Variants in TMX1 observed in about 807,000 individuals in gnomAD.
The protein encoded by TMX1 is thioredoxin-related transmembrane protein 1.
Under a neutral mutation model 36.6 loss-of-function variants are expected in TMX1, and 25 were observed. That is an observed-to-expected ratio of 0.68 (90% CI 0.50 to 0.95). TMX1 has a LOEUF of 0.95. Ranked by LOEUF, TMX1 falls within the 40% of genes least tolerant of loss-of-function variation. The probability of loss-of-function intolerance (pLI) is 0.00; values close to 1 mark genes in which losing one functional copy is unlikely to be tolerated. For missense variants in TMX1, 347 were observed against 339.6 expected, an observed-to-expected ratio of 1.02 and a Z score of -0.17; for synonymous variants, 133 against 118.0, an observed-to-expected ratio of 1.13 and a Z score of -0.82.
At chr14:51,242,856 A>G (rs535617355) in intron 1 of TMX1, among the ~76,000 whole-genome samples, 1 of 152,332 alleles carries the variant, frequency 6.6e-6, no homozygotes, top group South Asian at 2.1e-4. Context: ...GTCTGCTCCT[A>G]ATTACAAGTG....
intron 2 of TMX1, 151 bp from the exon 3 acceptor site, chr14:51,245,162 A>G: frequency 1.1e-6 from 1 of 913,132 alleles, no homozygotes; most frequent in Non-Finnish European, 1.6e-6. Flanking sequence ...TAAGTACATA[A>G]TTCATTTTTA....
chr14:51,243,729 C>A (rs2065772704), intron 1 of TMX1, 127 bp from the exon 2 acceptor site: 1 of 659,172 alleles, frequency 1.5e-6, no homozygotes, highest in Admixed American at 3.6e-5. Flanking sequence ...AAATTAACCA[C>A]CTTATCATCT....
At position 51,257,380 on chromosome 14, in the gene TMX1, T is replaced by G. The variant is rs1018677425; in HGVS notation, c.*2861T>G. The G allele has an allele frequency of 6.6e-6, 1 of 152,228 alleles. No individual in the cohort carries two copies. The highest frequency in any genetic ancestry group is 2.4e-5 in the African/African-American group (1 of 41,448). The allele number at this position is 152,228 out of a possible 1,614,324, so 9.4% of individuals were successfully genotyped here. Reference sequence around the variant, plus strand: ...TTGAGTGAACATTTTGGCTCATATTTTATGACATTGTAGTTCATCCCCATG... The same window carrying G: ...TTGAGTGAACATTTTGGCTCATATTGTATGACATTGTAGTTCATCCCCATG... On this transcript the variant is annotated 3_prime_UTR_variant, in exon 8 of 8. Transcript: ENST00000457354.
At position 51,255,830 on chromosome 14, in the gene TMX1, C is replaced by T. The variant is rs747097000; in HGVS notation, c.*1311C>T. 9 of 152,204 alleles carry T rather than the reference C, an allele frequency of 5.9e-5. No homozygotes were observed. The highest frequency in any genetic ancestry group is 4.1e-4 in the South Asian group (2 of 4,826). 9.4% of individuals were successfully genotyped at this position (152,204 alleles called of 1,614,324 possible). ...AATACAATGAATCAACTGACCATTA[C>T]GTAGTAGACAATTTCTGTAATGTCC... is the stretch of plus-strand genomic sequence containing the variant. On this transcript the variant is annotated 3_prime_UTR_variant, in exon 8 of 8. Coordinates refer to ENST00000457354, the MANE Select transcript of TMX1 (RefSeq NM_030755.5).
chr14:51,240,562 G>C, intron 1 of TMX1, 118 bp downstream of exon 1: 1 of 1,392,856 alleles, frequency 7.2e-7, no homozygotes. Context: ...CGGAGCGAGC[G>C]TCCCCGACTT....
chr14:51,248,662 G>C (rs1480728028), intron 4 of TMX1, among the ~76,000 whole-genome samples: 1 of 152,164 alleles, frequency 6.6e-6, no homozygotes, highest in Non-Finnish European at 1.5e-5. Context: ...GAAGAAAGTA[G>C]TTGCTTGTAA....
In TMX1 at chr14:51,255,716, G is replaced by A. The variant is rs143073382; in HGVS notation, c.*1197G>A. 116 of 152,126 alleles carry A rather than the reference G, an allele frequency of 7.6e-4. No individual in the cohort carries two copies. Among genetic ancestry groups the A allele is most frequent in the African/African-American group, 1.7e-3 (70 of 41,542 alleles). The allele number at this position is 152,126 out of a possible 1,614,324, so 9.4% of individuals were successfully genotyped here. ...ATTGTGTGGGATTTCACAGGTAAAA[G>A]TCAGTAGGATGGAACATTTTAGTGT... On this transcript the variant is annotated 3_prime_UTR_variant, in exon 8 of 8. Coordinates refer to ENST00000457354, the MANE Select transcript of TMX1 (RefSeq NM_030755.5).
intron 1 of TMX1, 45 bp downstream of exon 1, chr14:51,240,489 C>A: frequency 6.3e-7 from 1 of 1,586,020 alleles, no homozygotes; most frequent in Non-Finnish European, 8.6e-7. Flanking sequence ...CCTGGACACA[C>A]GACTTCACCC....
intron 1 of TMX1, among the ~76,000 whole-genome samples, chr14:51,242,138 G>A (rs1231371654): frequency 6.6e-6 from 1 of 151,872 alleles, no homozygotes; most frequent in Non-Finnish European, 1.5e-5. Flanking sequence ...CAAAAAAAAA[G>A]TAGAACATTT....
At chr14:51,253,783 G>A (rs1174929225) in intron 7 of TMX1, 17 of 152,300 alleles carry the variant, frequency 1.1e-4, no homozygotes, top group Admixed American at 1.1e-3. Context: ...ACATTTATAA[G>A]ACCAGAAGAA....
chr14:51,254,257 G>T, intron 7 of TMX1, 84 bp from the exon 8 acceptor site: 3 of 1,238,094 alleles, frequency 2.4e-6, no homozygotes, highest in East Asian at 5.3e-5. Context: ...CAGTTTTGGG[G>T]CATATGAGAC....
At chr14:51,243,093 TA>T (rs34241507) in intron 1 of TMX1, among the ~76,000 whole-genome samples, 69,073 of 137,964 alleles carry the variant, frequency 0.5, 17,049 homozygotes, top group African/African-American at 0.53. Context: ...CTGGTTCTGT[TA>T]AAAAAAAAAA....
Position 51,254,569 on chromosome 14 carries a change from T to C in TMX1, c.*50T>C, listed in dbSNP as rs2065830122. 6.6e-7 allele frequency: 1 copy of C among 1,507,656 alleles called. No individual in the cohort carries two copies. The highest frequency in any genetic ancestry group is 8.9e-7 in the Non-Finnish European group (1 of 1,118,684). The allele number at this position is 1,507,656 out of a possible 1,614,324, so 93.4% of individuals were successfully genotyped here. A position where few individuals can be genotyped will look rare whatever the true frequency, so the allele number is the denominator to read the frequency against. On this transcript the variant is annotated 3_prime_UTR_variant, in exon 8 of 8. Transcript: ENST00000457354. The stretch of plus-strand genomic sequence containing the variant: ...TTATGATTTTGATAAAAACAGAAGA[T>C]TGATCATTTTGTTTGGTTTGAAGTG...
chr14:51,247,275 T>C, intron 4 of TMX1, 55 bp downstream of exon 4: 2 of 1,565,356 alleles, frequency 1.3e-6, no homozygotes, highest in South Asian at 1.2e-5. Context: ...GAACAGATAA[T>C]TATATTTTAT....
chr14:51,254,931 T>C lies in TMX1; in HGVS notation c.*412T>C, dbSNP rs549766824. On this transcript the variant is annotated 3_prime_UTR_variant, in exon 8 of 8. Transcript: ENST00000457354. ...TTCACTGTGTGAAAAAAAGAAGATA[T>C]TTCCCATAAATGGGAAGTTTGCCCA... 1.3e-5 allele frequency: 2 copies of C among 153,036 alleles called. No homozygotes were observed. The highest frequency in any genetic ancestry group is 2.4e-5 in the African/African-American group (1 of 41,592). The allele number at this position is 153,036 out of a possible 1,614,324, so 9.5% of individuals were successfully genotyped here. A position where few individuals can be genotyped will look rare whatever the true frequency, so the allele number is the denominator to read the frequency against.
At chr14:51,241,464 A>G (rs549357090) in intron 1 of TMX1, among the ~76,000 whole-genome samples, 2 of 152,336 alleles carry the variant, frequency 1.3e-5, no homozygotes, top group African/African-American at 4.8e-5. Flanking sequence ...ACAAATGAGT[A>G]ACAAGATACC....
chr14:51,250,513 A>G (rs1430751247), intron 7 of TMX1, among the ~76,000 whole-genome samples: 1 of 152,002 alleles, frequency 6.6e-6, no homozygotes, highest in Non-Finnish European at 1.5e-5. Context: ...TGTTTTTGAG[A>G]CGGAGTCTCG....
chr14:51,246,772 CTTTT>C (rs1356155463), intron 3 of TMX1, among the ~76,000 whole-genome samples: 5 of 152,128 alleles, frequency 3.3e-5, no homozygotes, highest in African/African-American at 1.2e-4. Flanking sequence ...TTATATAATT[CTTTT>C]AATATGTGTA....
At chr14:51,245,620 G>A (rs1036290078) in intron 3 of TMX1, 12 of 728,766 alleles carry the variant, frequency 1.6e-5, no homozygotes, top group Admixed American at 6.0e-5. Context: ...CCTGTTCAGC[G>A]TGTTAAGTCA....
Sources: gnomAD v4.1 joint callset for allele counts (sites outside exome capture counted in the v4.1 genomes callset) on GRCh38, gnomAD v4.1.1 for gene constraint, MANE v1.5 for transcripts, NCBI Gene and HGNC (gene_info 2026-07-23, HGNC 2026-07-21) for gene names.